The following BICDL2 variants were observed in gnomAD, a reference collection of about 807,000 sequenced individuals.
BICDL2 encodes BICD family like cargo adaptor 2, also known as BICD family-like cargo adapter 2.
Under a neutral mutation model 56.6 loss-of-function variants are expected in BICDL2, and 62 were observed. That is an observed-to-expected ratio of 1.10 (90% CI 0.89 to 1.35). The LOEUF is 1.35. BICDL2 is among the 40% of genes most tolerant of loss of function. BICDL2 has a pLI of 0.00. For synonymous variants in BICDL2, 358 were observed against 319.8 expected (o/e 1.12, Z -1.27); for missense variants, 808 against 684.5 (o/e 1.18, Z -2.01).
intron 5 of BICDL2, 138 bp from the exon 6 acceptor site, chr16:3,029,877 G>A: frequency 1.4e-6 from 1 of 712,836 alleles, no homozygotes; most frequent in Non-Finnish European, 2.2e-6. Flanking sequence ...TTCCTGGATC[G>A]CTGGGCGCCT....
chr16:3,035,191 C>CCCCCCCCCCCCCCCCCCCCCCCCCCT, intron 2 of BICDL2, 24 bp downstream of exon 2: 1 of 263,166 alleles, frequency 3.8e-6, no homozygotes, highest in Non-Finnish European at 7.9e-6. Flanking sequence ...ACCCACCCAC[C>CCCCCCCCCCCCCCCCCCCCCCCCCCT]CACCCCGTCC....
rs762064406 is a variant in BICDL2, at chr16:3,028,141, C to T, written c.1492G>A (p.Gly498Ser). 3 of 1,440,138 alleles carry T rather than the reference C, an allele frequency of 2.1e-6. No individual in the cohort carries two copies. Among genetic ancestry groups the T allele is most frequent in the Non-Finnish European group, 2.7e-6 (3 of 1,104,168 alleles). The allele number at this position is 1,440,138 out of a possible 1,614,324, so 89.2% of individuals were successfully genotyped here. ...FSLRLGPGPA[G>S]GFLSNLFRRT ...CGGAAGAGGTTACTGAGAAAGCCAC[C>T]GGCGGGCCCGGGGCCCAGGCGCAGC... Residue 498 changes from glycine (G) to serine (S), a missense_variant, in exon 10 of 10, where the codon GGT (glycine) becomes AGT (serine). Coordinates refer to ENST00000572449, the MANE Select transcript of BICDL2 (RefSeq NM_001369667.1).
Position 3,028,695 on chromosome 16 carries a change from C to T in BICDL2, c.1238+5G>A. 6.4e-7 allele frequency: 1 copy of T among 1,569,758 alleles called. No individual in the cohort carries two copies. Among genetic ancestry groups the T allele is most frequent in the Non-Finnish European group, 8.6e-7 (1 of 1,157,448 alleles). The stretch of plus-strand genomic sequence containing the variant: ...TGGGGCGGTGGTCAATGGCTTGAGG[C>T]TTACTTGTTCACGGCCTCGTCCCGG... On this transcript the variant is annotated splice_donor_5th_base_variant and intron_variant, in intron 8 of 9. Transcript: ENST00000572449.
At chr16:3,033,633 T>C (rs1955686896) in intron 2 of BICDL2, among the ~76,000 whole-genome samples, 1 of 151,926 alleles carries the variant, frequency 6.6e-6, no homozygotes, top group Admixed American at 6.6e-5. Context: ...ATGCAAAAAT[T>C]AGCCAGGTAT....
chr16:3,035,176 T>TTGGCCCCGGG, intron 2 of BICDL2, 39 bp downstream of exon 2: 2 of 136,274 alleles, frequency 1.5e-5, no homozygotes, highest in Non-Finnish European at 2.7e-5. Context: ...CGTCCTCCCC[T>TTGGCCCCGGG]GCCCACCCAC....
chr16:3,027,866 G>C lies in BICDL2; in HGVS notation c.*240C>G, dbSNP rs1052458. 0.58 allele frequency: 463,602 copies of C among 803,184 alleles called. 136,067 individuals carry two copies. Among genetic ancestry groups the C allele is most frequent in the Admixed American group, 0.6 (17,879 of 29,762 alleles). 49.8% of individuals were successfully genotyped at this position (803,184 alleles called of 1,614,324 possible). A position where few individuals can be genotyped will look rare whatever the true frequency, so the allele number is the denominator to read the frequency against. On this transcript the variant is annotated 3_prime_UTR_variant, in exon 10 of 10. Coordinates refer to ENST00000572449, the MANE Select transcript of BICDL2 (RefSeq NM_001369667.1). ...CATCCCTGCCCTAGAAAAGATAGAC[G>C]TATATTAATTCGGAAAATAGCTCTG...
At position 3,035,446 on chromosome 16, in the gene BICDL2, G is replaced by A. The variant is rs755666639; in HGVS notation, c.51C>T (p.Gly17=). ...AGCCCTCGTCGCCGCTGGGAGAGGC[G>A]CCCCCTGAGAGCGGCCCGGACGGGA... ...PSFPSGPLSG[G]ASPSGDEGFF... is the part of the protein sequence containing the mutation. The change falls in exon 2 of 10, where the codon GGC becomes GGT. Residue 17 remains glycine (G), a synonymous_variant. Coordinates refer to ENST00000572449, the MANE Select transcript of BICDL2 (RefSeq NM_001369667.1). 5.6e-6 allele frequency: 9 copies of A among 1,611,886 alleles called. No homozygotes were observed. In the East Asian group the frequency reaches 8.9e-5, roughly 16 times the overall value.
In BICDL2 at chr16:3,030,600, G is replaced by C. The variant is rs1447299209; in HGVS notation, c.616-5C>G. 6.3e-7 allele frequency: 1 copy of C among 1,596,736 alleles called. No individual in the cohort carries two copies. Among genetic ancestry groups the C allele is most frequent in the Non-Finnish European group, 8.5e-7 (1 of 1,175,322 alleles). ...GCGGCTCTGCAGCATCTGGTTCTGG[G>C]GAAAGGCCTGAGAGCTGGGGACAGG... On this transcript the variant is annotated splice_polypyrimidine_tract_variant and splice_region_variant and intron_variant, in intron 4 of 9. Coordinates refer to ENST00000572449, the MANE Select transcript of BICDL2 (RefSeq NM_001369667.1).
At position 3,027,907 on chromosome 16, in the gene BICDL2, C is replaced by A; in HGVS notation, c.*199G>T. ...AATAGCTCTGTTCACCTGCCCCTGCCACCCACCTGGAGCTCCTGCCCCACA... is the reference window on the plus strand; with the variant it reads ...AATAGCTCTGTTCACCTGCCCCTGCAACCCACCTGGAGCTCCTGCCCCACA... On this transcript the variant is annotated 3_prime_UTR_variant, in exon 10 of 10. Transcript: ENST00000572449. 1 of 885,814 alleles carries A rather than the reference C, an allele frequency of 1.1e-6. No individual in the cohort carries two copies. The highest frequency in any genetic ancestry group is 1.8e-5 in the African/African-American group (1 of 56,612). 54.9% of individuals were successfully genotyped at this position (885,814 alleles called of 1,614,324 possible). A position where few individuals can be genotyped will look rare whatever the true frequency, so the allele number is the denominator to read the frequency against.
chr16:3,031,996 A>G (rs1161287749), intron 2 of BICDL2: 1 of 152,444 alleles, frequency 6.6e-6, no homozygotes, highest in African/African-American at 2.4e-5. Context: ...CAGTGGCACT[A>G]TCTCAGCTCA....
Position 3,028,733 on chromosome 16 carries a change from C to CT in BICDL2, c.1204dup (p.Ser402LysfsTer102). ...GGCCTCGTCCCGGTCTGAGAGGGCA[C>CT]TGTGCAGGGCCTCCCCAGGGTCTTC... is the stretch of plus-strand genomic sequence containing the variant. On this transcript the variant is annotated frameshift_variant, in exon 8 of 10. Coordinates refer to ENST00000572449, the MANE Select transcript of BICDL2 (RefSeq NM_001369667.1). LOFTEE classifies it high-confidence loss of function. The CT allele has an allele frequency of 6.4e-7, 1 of 1,566,556 alleles. No homozygotes were observed. Among genetic ancestry groups the CT allele is most frequent in the Non-Finnish European group, 8.7e-7 (1 of 1,155,846 alleles).
rs755123200 is a variant in BICDL2, at chr16:3,029,681, C to T, written c.821G>A (p.Arg274Gln). The change falls in exon 6 of 10, where the codon CGG becomes CAG. Residue 274 changes from arginine to glutamine, a missense_variant. Coordinates refer to ENST00000572449, the MANE Select transcript of BICDL2 (RefSeq NM_001369667.1). ...EALSALRRLQ[R>Q]RVSELEEESR... ...CTCCTCCTCCAGCTCGGAGACGCGCCGCTGCAGCCTCCGCAGCGCACTCAG... is the reference window on the plus strand; with the variant it reads ...CTCCTCCTCCAGCTCGGAGACGCGCTGCTGCAGCCTCCGCAGCGCACTCAG... The T allele has an allele frequency of 3.9e-6, 6 of 1,540,598 alleles. No homozygotes were observed. Among genetic ancestry groups the T allele is most frequent in the Admixed American group, 3.9e-5 (2 of 50,944 alleles).
In BICDL2 at chr16:3,035,473, G is replaced by C. The variant is rs1955722355; in HGVS notation, c.24C>G (p.Ser8Arg). The change falls in exon 2 of 10, where the codon AGC (serine) becomes AGG (arginine). Residue 8 changes from serine to arginine, a missense_variant. Physicochemically the swap from Ser to Arg is moderately radical, Grantham distance 110. Transcript: ENST00000572449. Reference sequence around the variant, plus strand: ...CCCCTGAGAGCGGCCCGGACGGGAAGCTGGGCCCATCTGGAGAGCTCATGT... The same window carrying C: ...CCCCTGAGAGCGGCCCGGACGGGAACCTGGGCCCATCTGGAGAGCTCATGT... MSSPDGP[S>R]FPSGPLSGGA... is the part of the protein sequence containing the mutation. The C allele has an allele frequency of 3.7e-6, 6 of 1,611,068 alleles. No individual in the cohort carries two copies.
chr16:3,033,188 C>T (rs1955680927), intron 2 of BICDL2, among the ~76,000 whole-genome samples: 1 of 152,102 alleles, frequency 6.6e-6, no homozygotes, highest in Non-Finnish European at 1.5e-5. Flanking sequence ...ACCTGGAATC[C>T]CAGCTACTTG....
chr16:3,029,704 C>G lies in BICDL2; in HGVS notation c.798G>C (p.Leu266=), dbSNP rs1484658024. ...GCCGCTGCAGCCTCCGCAGCGCACTCAGCGCCTCCCCAGCCTCTGACCGTG... is the reference window on the plus strand; with the variant it reads ...GCCGCTGCAGCCTCCGCAGCGCACTGAGCGCCTCCCCAGCCTCTGACCGTG... ...ERARSEAGEA[L]SALRRLQRRV... The change falls in exon 6 of 10, where the codon CTG becomes CTC. Residue 266 remains leucine, a synonymous_variant. Coordinates refer to ENST00000572449, the MANE Select transcript of BICDL2 (RefSeq NM_001369667.1). 13 of 1,541,136 alleles carry G rather than the reference C, an allele frequency of 8.4e-6. No homozygotes were observed. Among genetic ancestry groups the G allele is most frequent in the Non-Finnish European group, 1.0e-5 (12 of 1,150,482 alleles).
intron 2 of BICDL2, 44 bp downstream of exon 2, chr16:3,035,171 T>TCCCCCCCCCC: frequency 3.8e-6 from 1 of 266,046 alleles, no homozygotes; most frequent in Non-Finnish European, 6.7e-6. Context: ...CCACCCGTCC[T>TCCCCCCCCCC]CCCCTGCCCA....
intron 2 of BICDL2, among the ~76,000 whole-genome samples, chr16:3,034,071 C>A (rs1259361205): frequency 6.6e-6 from 1 of 152,162 alleles, no homozygotes; most frequent in Non-Finnish European, 1.5e-5. Flanking sequence ...AAAAATAGAA[C>A]CTGGGCAGAG....
rs750735674 is a variant in BICDL2, at chr16:3,035,433, C to T, written c.64G>A (p.Gly22Ser). Residue 22 changes from glycine (G) to serine (S), a missense_variant, in exon 2 of 10, where the codon GGC becomes AGC. Coordinates refer to ENST00000572449, the MANE Select transcript of BICDL2 (RefSeq NM_001369667.1). ...GPLSGGASPS[G>S]DEGFFPFVLE... The stretch of plus-strand genomic sequence containing the variant: ...ACAAAGGGGAAGAAGCCCTCGTCGC[C>T]GCTGGGAGAGGCGCCCCCTGAGAGC... The T allele has an allele frequency of 1.3e-5, 21 of 1,612,340 alleles. 1 individual carries two copies. Among genetic ancestry groups the T allele is most frequent in the Middle Eastern group, 1.7e-4 (1 of 6,010 alleles).
rs751062003 is a variant in BICDL2, at chr16:3,027,920, C to T, written c.*186G>A. 9.6e-5 allele frequency: 91 copies of T among 948,852 alleles called. No individual in the cohort carries two copies. The highest frequency in any genetic ancestry group is 3.3e-4 in the Middle Eastern group (1 of 3,060). 58.8% of individuals were successfully genotyped at this position (948,852 alleles called of 1,614,324 possible). A position where few individuals can be genotyped will look rare whatever the true frequency, so the allele number is the denominator to read the frequency against. The stretch of plus-strand genomic sequence containing the variant: ...ACCTGCCCCTGCCACCCACCTGGAG[C>T]TCCTGCCCCACAAAGCTGGCCCCTG... On this transcript the variant is annotated 3_prime_UTR_variant, in exon 10 of 10. Coordinates refer to ENST00000572449, the MANE Select transcript of BICDL2 (RefSeq NM_001369667.1).
Sources: gnomAD v4.1 joint callset for allele counts (sites outside exome capture counted in the v4.1 genomes callset) on GRCh38, gnomAD v4.1.1 for gene constraint, MANE v1.5 for transcripts, NCBI Gene and HGNC (gene_info 2026-07-23, HGNC 2026-07-21) for gene names.